The following SGMS1 variants were observed in gnomAD, a reference collection of about 807,000 sequenced individuals.
SGMS1 encodes phosphatidylcholine:ceramide cholinephosphotransferase 1.
SGMS1 carries 13 observed loss-of-function variants against 46.2 expected under a neutral mutation model. The observed-to-expected ratio is 0.28, with a 90% CI of 0.18 to 0.45. SGMS1 has a LOEUF of 0.45. Among genes scored for constraint, SGMS1 ranks in the 20% least tolerant of loss-of-function variants. SGMS1 has a pLI of 1.00. For missense variants in SGMS1, 324 were observed against 519.9 expected (o/e 0.62, Z 3.66); for synonymous variants, 203 against 187.8 (o/e 1.08, Z -0.66).
chr10:50,558,073 C>G (rs1371944284), intron 2 of SGMS1, among the ~76,000 whole-genome samples: 1 of 152,170 alleles, frequency 6.6e-6, no homozygotes, highest in Non-Finnish European at 1.5e-5. Flanking sequence ...AATTAAGAAA[C>G]TGAGTCCCAG....
intron 5 of SGMS1, among the ~76,000 whole-genome samples, chr10:50,451,653 A>G (rs926665622): frequency 1.3e-5 from 2 of 152,166 alleles, no homozygotes; most frequent in Admixed American, 6.5e-5. Context: ...TTAATATAAC[A>G]TGGGATTCTG....
At chr10:50,504,021 T>C (rs1837684220) in intron 3 of SGMS1, among the ~76,000 whole-genome samples, 1 of 152,260 alleles carries the variant, frequency 6.6e-6, no homozygotes, top group Non-Finnish European at 1.5e-5. Flanking sequence ...TCGTGTTTTA[T>C]AAGCATGTTC....
At chr10:50,444,579 T>C (rs1211031681) in intron 5 of SGMS1, among the ~76,000 whole-genome samples, 2 of 152,114 alleles carry the variant, frequency 1.3e-5, no homozygotes, top group African/African-American at 4.8e-5. Context: ...TCCTGACTCC[T>C]ACCTCACACT....
chr10:50,502,829 A>C (rs1383755194), intron 3 of SGMS1, among the ~76,000 whole-genome samples: 1 of 152,210 alleles, frequency 6.6e-6, no homozygotes, highest in Non-Finnish European at 1.5e-5. Context: ...TAGTCCCCAA[A>C]AGTGGACTGA....
intron 6 of SGMS1, among the ~76,000 whole-genome samples, chr10:50,355,172 A>G (rs1212613755): frequency 6.6e-6 from 1 of 152,262 alleles, no homozygotes; most frequent in Non-Finnish European, 1.5e-5. Context: ...TATTCACAAT[A>G]GCAAAGACTT....
intron 1 of SGMS1, among the ~76,000 whole-genome samples, chr10:50,596,889 T>G (rs867066233): frequency 6.6e-6 from 1 of 152,178 alleles, no homozygotes; most frequent in Non-Finnish European, 1.5e-5. Flanking sequence ...TTAAAGTCAG[T>G]GACTGCTAGT....
chr10:50,525,741 G>C (rs1422894401), intron 2 of SGMS1, among the ~76,000 whole-genome samples: 1 of 152,206 alleles, frequency 6.6e-6, no homozygotes, highest in Non-Finnish European at 1.5e-5. Flanking sequence ...GCACTACTCT[G>C]CTATGAGCAA....
chr10:50,624,159 A>G, upstream of SGMS1: 4 of 982,744 alleles, frequency 4.1e-6, no homozygotes, highest in Non-Finnish European at 4.8e-6. Flanking sequence ...GTAATGGGAA[A>G]CTGAGGAGGC....
chr10:50,396,024 G>C (rs1252979138), intron 6 of SGMS1, among the ~76,000 whole-genome samples: 1 of 152,096 alleles, frequency 6.6e-6, no homozygotes, highest in African/African-American at 2.4e-5. Flanking sequence ...TTCATCTGAG[G>C]ATCCCAATTC....
intron 8 of SGMS1, among the ~76,000 whole-genome samples, chr10:50,320,536 T>C (rs186692948): frequency 1.0e-3 from 153 of 152,310 alleles, no homozygotes; most frequent in African/African-American, 3.4e-3. Flanking sequence ...TGTGATCAAA[T>C]AATGCCCCTG....
intron 8 of SGMS1, among the ~76,000 whole-genome samples, chr10:50,319,973 C>T (rs1847414099): frequency 6.6e-6 from 1 of 152,126 alleles, no homozygotes; most frequent in African/African-American, 2.4e-5. Context: ...GTAGTGGTTG[C>T]AAAATAGTAA....
chr10:50,442,758 A>G (rs1322140949), intron 5 of SGMS1, among the ~76,000 whole-genome samples: 1 of 152,220 alleles, frequency 6.6e-6, no homozygotes, highest in African/African-American at 2.4e-5. Flanking sequence ...TAGATTCTGG[A>G]TATTAGACCT....
chr10:50,602,519 GAGA>G (rs1242425024), intron 1 of SGMS1, among the ~76,000 whole-genome samples: 3 of 152,158 alleles, frequency 2.0e-5, no homozygotes, highest in African/African-American at 4.8e-5. Context: ...AAGGCTACTG[GAGA>G]AGATGCACAG....
At chr10:50,314,489 T>C (rs79322132) in intron 8 of SGMS1, among the ~76,000 whole-genome samples, 197 of 152,300 alleles carry the variant, frequency 1.3e-3, no homozygotes, top group African/African-American at 4.5e-3. Context: ...TGGCAAAATC[T>C]TCTGAGAAAA....
chr10:50,368,968 G>C (rs1450871416), intron 6 of SGMS1, among the ~76,000 whole-genome samples: 2 of 152,138 alleles, frequency 1.3e-5, no homozygotes, highest in Non-Finnish European at 2.9e-5. Flanking sequence ...ATACATAAAA[G>C]TGTTCACAAG....
chr10:50,615,185 A>G (rs1278705355), intron 1 of SGMS1, among the ~76,000 whole-genome samples: 1 of 152,182 alleles, frequency 6.6e-6, no homozygotes, highest in Non-Finnish European at 1.5e-5. Context: ...CTGAGCGCCC[A>G]CTGAATGCCT....
chr10:50,606,741 A>G (rs949508293), intron 1 of SGMS1, among the ~76,000 whole-genome samples: 2 of 152,208 alleles, frequency 1.3e-5, no homozygotes, highest in Non-Finnish European at 2.9e-5. Context: ...TCACCGTGTA[A>G]GTAAACATCA....
At chr10:50,554,421 C>G (rs1376687136) in intron 2 of SGMS1, among the ~76,000 whole-genome samples, 1 of 152,146 alleles carries the variant, frequency 6.6e-6, no homozygotes, top group Non-Finnish European at 1.5e-5. Context: ...GAAGCACAAC[C>G]TATATATTTT....
chr10:50,624,502 A>G, upstream of SGMS1: 1 of 775,822 alleles, frequency 1.3e-6, no homozygotes. Flanking sequence ...CAGAAAAAAA[A>G]AGCCTCTGGC....
Sources: gnomAD v4.1 joint callset for allele counts (sites outside exome capture counted in the v4.1 genomes callset) on GRCh38, gnomAD v4.1.1 for gene constraint, MANE v1.5 for transcripts, NCBI Gene and HGNC (gene_info 2026-07-23, HGNC 2026-07-21) for gene names.